Variants in HECW1 observed in about 807,000 individuals in gnomAD.
HECW1 encodes HECT, C2 and WW domain containing E3 ubiquitin protein ligase 1.
A neutral mutation model predicts 182.3 loss-of-function variants in HECW1; 61 were observed. That is an observed-to-expected ratio of 0.33 (90% CI 0.27 to 0.41). The LOEUF is 0.41. Among genes scored for constraint, HECW1 ranks in the 10% least tolerant of loss-of-function variants. The probability of loss-of-function intolerance (pLI) is 1.00; values close to 1 mark genes in which losing one functional copy is unlikely to be tolerated. For synonymous variants in HECW1, 859 were observed against 832.6 expected (o/e 1.03, Z -0.55); for missense variants, 1,739 against 2,108.9 (o/e 0.82, Z 3.44).
At chr7:43,204,781 T>C (rs1795309392) in intron 2 of HECW1, among the ~76,000 whole-genome samples, 2 of 152,174 alleles carry the variant, frequency 1.3e-5, no homozygotes, top group South Asian at 4.1e-4. Flanking sequence ...AATTGACACT[T>C]ACCTGGAGGA....
intron 5 of HECW1, among the ~76,000 whole-genome samples, chr7:43,327,905 G>A (rs978511542): frequency 5.3e-5 from 8 of 151,844 alleles, no homozygotes; most frequent in Admixed American, 5.3e-4. Context: ...GCAGGGTGGA[G>A]CTGAGAAGTA....
chr7:43,196,486 C>G (rs895931786), intron 2 of HECW1, among the ~76,000 whole-genome samples: 1 of 152,212 alleles, frequency 6.6e-6, no homozygotes, highest in African/African-American at 2.4e-5. Context: ...AAACAGCCAG[C>G]ACCTCTGTGA....
At chr7:43,451,041 G>A in intron 12 of HECW1, 112 bp downstream of exon 12, 1 of 739,976 alleles carries the variant, frequency 1.4e-6, no homozygotes, top group South Asian at 1.6e-5. Context: ...GTGCCTTACA[G>A]TGTTAACAAA....
intron 13 of HECW1, among the ~76,000 whole-genome samples, chr7:43,460,891 C>CT (rs1300784411): frequency 6.6e-6 from 1 of 152,176 alleles, no homozygotes; most frequent in Non-Finnish European, 1.5e-5. Context: ...TCAGTAAGGC[C>CT]TGCAATAACC....
chr7:43,159,086 C>T (rs1790209993), intron 2 of HECW1, among the ~76,000 whole-genome samples: 1 of 151,664 alleles, frequency 6.6e-6, no homozygotes, highest in Admixed American at 6.6e-5. Flanking sequence ...AACATTCACG[C>T]CATTGCATGA....
intron 5 of HECW1, among the ~76,000 whole-genome samples, chr7:43,356,391 A>C (rs553831159): frequency 6.6e-6 from 1 of 152,312 alleles, no homozygotes; most frequent in East Asian, 1.9e-4. Flanking sequence ...CCAACACCAG[A>C]GCTCCCAAAT....
Position 43,547,800 on chromosome 7 carries a change from G to T in HECW1, c.4249-2645G>T, listed in dbSNP as rs1190156832. The stretch of plus-strand genomic sequence containing the variant: ...ATCATGATTTTTCTCTGCTTCTTGG[G>T]AGTATTTCCAGCATCATTAGTGGCC... On this transcript the variant is annotated intron_variant, in intron 26 of 29. Coordinates refer to ENST00000395891, the MANE Select transcript of HECW1 (RefSeq NM_015052.5). Among the ~76,000 whole-genome samples, 6 of 152,180 alleles carry T rather than the reference G, an allele frequency of 3.9e-5. No individual in the cohort carries two copies. In the East Asian group the frequency reaches 1.2e-3, roughly 29 times the overall value.
chr7:43,275,628 G>T (rs1445461310), intron 3 of HECW1, among the ~76,000 whole-genome samples: 1 of 152,072 alleles, frequency 6.6e-6, no homozygotes, highest in African/African-American at 2.4e-5. Context: ...TTACGGAGCT[G>T]CCTTGAAGCC....
At chr7:43,476,135 A>G (rs1394659835) in intron 16 of HECW1, among the ~76,000 whole-genome samples, 2 of 152,232 alleles carry the variant, frequency 1.3e-5, no homozygotes, top group Non-Finnish European at 2.9e-5. Context: ...AAAATCCAAG[A>G]GGATATACTT....
At chr7:43,210,007 G>A (rs768038546) in intron 2 of HECW1, among the ~76,000 whole-genome samples, 5 of 152,190 alleles carry the variant, frequency 3.3e-5, no homozygotes, top group Non-Finnish European at 5.9e-5. Context: ...TCTCCAAAGC[G>A]AAGGTGGGAC....
chr7:43,414,470 T>A (rs1210124054), intron 8 of HECW1, among the ~76,000 whole-genome samples: 1 of 149,444 alleles, frequency 6.7e-6, no homozygotes, highest in Non-Finnish European at 1.5e-5. Flanking sequence ...CTAATTGCCC[T>A]GGCCAGAACT....
intron 5 of HECW1, among the ~76,000 whole-genome samples, chr7:43,340,409 C>G (rs1054056985): frequency 6.6e-6 from 1 of 150,900 alleles, no homozygotes; most frequent in Non-Finnish European, 1.5e-5. Context: ...TTAGTAGAGA[C>G]GGGGGTTCAC....
intron 6 of HECW1, among the ~76,000 whole-genome samples, chr7:43,371,889 G>T (rs943369790): frequency 6.6e-6 from 1 of 152,096 alleles, no homozygotes; most frequent in Non-Finnish European, 1.5e-5. Flanking sequence ...GCACGGTCTC[G>T]GCTCACTGCA....
chr7:43,217,947 AG>A (rs113037564), intron 2 of HECW1, among the ~76,000 whole-genome samples: 2,245 of 152,250 alleles, frequency 0.015, 57 homozygotes, highest in African/African-American at 0.052. Flanking sequence ...GGGGCTGGAG[AG>A]TGCAGGATTT....
At chr7:43,246,550 G>C (rs1242110809) in intron 3 of HECW1, among the ~76,000 whole-genome samples, 3 of 152,134 alleles carry the variant, frequency 2.0e-5, no homozygotes, top group African/African-American at 4.8e-5. Flanking sequence ...TGCACTCCTG[G>C]TTGAGAAACA....
rs1176336073 is a variant in HECW1, at chr7:43,407,602, C to G, written c.672C>G (p.Asn224Lys). 6.2e-7 allele frequency: 1 copy of G among 1,613,588 alleles called. No individual in the cohort carries two copies. Residue 224 changes from asparagine to lysine, a missense_variant, in exon 8 of 30, where the codon AAC (asparagine) becomes AAG (lysine). By Grantham distance (94) the Asn-to-Lys change is moderately conservative (BLOSUM62 0). Transcript: ENST00000395891. Reference protein sequence around the residue: ...AMGLKKGMFFNPDPYLKISIQ... With the variant: ...AMGLKKGMFFKPDPYLKISIQ... The stretch of plus-strand genomic sequence containing the variant: ...GGTTGAAGAAAGGGATGTTTTTCAA[C>G]CCAGACCCTTATCTGAAGATTTCCA...
chr7:43,255,596 TAAA>T (rs72259446), intron 3 of HECW1, among the ~76,000 whole-genome samples: 1 of 117,166 alleles, frequency 8.5e-6, no homozygotes, highest in African/African-American at 2.8e-5. Flanking sequence ...AAACTCTGTC[TAAA>T]AAAAAAAAAA....
rs550682249 is a variant in HECW1 at position 43,469,055 on chromosome 7, C to T, written c.3049C>T (p.Arg1017Trp). The change falls in exon 16 of 30, where the codon CGG becomes TGG. Residue 1017 changes from arginine to tryptophan, a missense_variant. By Grantham distance (101) the Arg-to-Trp change is moderately radical. Transcript: ENST00000395891. ...VNFINMFADT[R>W]LELPRGWEIK... ...TTTCATCAACATGTTCGCAGACACT[C>T]GGCTGGAACTGCCCCGGGGCTGGGA... 1.1e-5 allele frequency: 17 copies of T among 1,614,188 alleles called. No homozygotes were observed. Among genetic ancestry groups the T allele is most frequent in the Middle Eastern group, 1.7e-4 (1 of 6,056 alleles).
chr7:43,256,828 C>T (rs73318478), intron 3 of HECW1, among the ~76,000 whole-genome samples: 3,853 of 152,100 alleles, frequency 0.025, 135 homozygotes, highest in African/African-American at 0.078. Flanking sequence ...CTTCCCCTCC[C>T]CCAACAACCT....
Sources: allele counts gnomAD v4.1 joint callset (sites outside exome capture counted in the v4.1 genomes callset), GRCh38; gene constraint gnomAD v4.1.1; transcripts MANE v1.5; gene names NCBI Gene and HGNC (gene_info 2026-07-23, HGNC 2026-07-21).